The following LMX1A variants were observed in gnomAD, a reference collection of about 807,000 sequenced individuals.
LMX1A encodes LIM homeobox transcription factor 1-alpha.
A neutral mutation model predicts 49.1 loss-of-function variants in LMX1A; 15 were observed. The ratio of observed to expected loss-of-function variants is 0.31; its 90% CI spans 0.20 to 0.47. The LOEUF is 0.47. LMX1A is among the 20% of genes least tolerant of loss of function. LMX1A has a pLI of 1.00. For missense variants in LMX1A, 372 were observed against 475.8 expected, an observed-to-expected ratio of 0.78 and a Z score of 2.03; for synonymous variants, 167 against 185.7, an observed-to-expected ratio of 0.90 and a Z score of 0.82.
intron 3 of LMX1A, among the ~76,000 whole-genome samples, chr1:165,259,972 G>A (rs1420802746): frequency 6.6e-6 from 1 of 152,182 alleles, no homozygotes; most frequent in Non-Finnish European, 1.5e-5. Flanking sequence ...GCAAAAGACT[G>A]TGGTGAAAGT....
At chr1:165,222,072 T>C (rs1571157445) in intron 4 of LMX1A, among the ~76,000 whole-genome samples, 1 of 152,280 alleles carries the variant, frequency 6.6e-6, no homozygotes, top group South Asian at 2.1e-4. Flanking sequence ...CACAGGTGTA[T>C]ACTGCATGTA....
At chr1:165,353,031 C>G (rs765118100) in intron 3 of LMX1A, 45 bp downstream of exon 3, 1 of 1,597,428 alleles carries the variant, frequency 6.3e-7, no homozygotes, top group Non-Finnish European at 8.6e-7. Flanking sequence ...TCGACGCACA[C>G]TGATGCCAGT....
At chr1:165,307,866 T>C (rs1654965604) in intron 3 of LMX1A, among the ~76,000 whole-genome samples, 3 of 152,208 alleles carry the variant, frequency 2.0e-5, no homozygotes, top group Non-Finnish European at 1.5e-5. Context: ...GAAAAACAGT[T>C]CCTGAACAAC....
intron 3 of LMX1A, among the ~76,000 whole-genome samples, chr1:165,327,500 C>A (rs901654163): frequency 1.3e-5 from 2 of 152,346 alleles, no homozygotes; most frequent in South Asian, 4.1e-4. Flanking sequence ...GGACTGCTGC[C>A]AAATCCTGGA....
chr1:165,219,780 C>T (rs1195047319), intron 4 of LMX1A, among the ~76,000 whole-genome samples: 1 of 152,164 alleles, frequency 6.6e-6, no homozygotes, highest in East Asian at 1.9e-4. Flanking sequence ...TTATTATGGG[C>T]TAATGTGTGG....
chr1:165,222,606 C>T (rs767360517), intron 4 of LMX1A, among the ~76,000 whole-genome samples: 6 of 152,164 alleles, frequency 3.9e-5, no homozygotes, highest in Non-Finnish European at 8.8e-5. Flanking sequence ...TAGGAAGGTG[C>T]GGTAAGTTGA....
chr1:165,220,472 C>G (rs530015065), intron 4 of LMX1A, among the ~76,000 whole-genome samples: 127 of 152,164 alleles, frequency 8.3e-4, no homozygotes, highest in African/African-American at 2.9e-3. Context: ...CCACAGGCAG[C>G]CTTTCATGGC....
intron 4 of LMX1A, among the ~76,000 whole-genome samples, chr1:165,231,742 C>T (rs1323998013): frequency 6.6e-6 from 1 of 151,852 alleles, no homozygotes; most frequent in African/African-American, 2.4e-5. Flanking sequence ...TCCTTTCTCC[C>T]CGATGTAAAC....
At chr1:165,317,665 A>G (rs1246813939) in intron 3 of LMX1A, among the ~76,000 whole-genome samples, 1 of 152,186 alleles carries the variant, frequency 6.6e-6, no homozygotes, top group African/African-American at 2.4e-5. Flanking sequence ...AGATTTCTGC[A>G]AACTATTATC....
At chr1:165,286,545 TC>T (rs1416539022) in intron 3 of LMX1A, among the ~76,000 whole-genome samples, 1 of 152,136 alleles carries the variant, frequency 6.6e-6, no homozygotes, top group Non-Finnish European at 1.5e-5. Flanking sequence ...TGCCTCAGTT[TC>T]CCCTGATTTG....
At chr1:165,240,837 C>G (rs1056795256) in intron 4 of LMX1A, among the ~76,000 whole-genome samples, 1 of 152,166 alleles carries the variant, frequency 6.6e-6, no homozygotes, top group Non-Finnish European at 1.5e-5. Flanking sequence ...ACCCTCAAAC[C>G]AAGAGGCACA....
At chr1:165,256,909 A>C (rs1302646034) in intron 3 of LMX1A, among the ~76,000 whole-genome samples, 1 of 151,918 alleles carries the variant, frequency 6.6e-6, no homozygotes, top group East Asian at 1.9e-4. Context: ...TAGCAAGATG[A>C]CAACACACCG....
chr1:165,303,760 C>T (rs1004169897), intron 3 of LMX1A, among the ~76,000 whole-genome samples: 2 of 152,184 alleles, frequency 1.3e-5, no homozygotes, highest in Admixed American at 6.5e-5. Flanking sequence ...CCCCCAGAGT[C>T]AGCCTCCTGC....
intron 3 of LMX1A, among the ~76,000 whole-genome samples, chr1:165,315,508 G>T (rs1557881929): frequency 2.0e-5 from 3 of 152,218 alleles, no homozygotes; most frequent in Admixed American, 1.3e-4. Context: ...ATGGAAGAAG[G>T]TTAAAATAAA....
At chr1:165,214,769 A>G (rs1651578693) in intron 4 of LMX1A, among the ~76,000 whole-genome samples, 1 of 152,258 alleles carries the variant, frequency 6.6e-6, no homozygotes, top group East Asian at 1.9e-4. Flanking sequence ...ACTGATAACT[A>G]GTCAACATTG....
chr1:165,208,863 G>A (rs1651227275), intron 6 of LMX1A, among the ~76,000 whole-genome samples: 1 of 152,158 alleles, frequency 6.6e-6, no homozygotes, highest in Admixed American at 6.5e-5. Context: ...TAGCCAGGAT[G>A]GTCTCGATCT....
At chr1:165,313,013 A>G (rs1238514953) in intron 3 of LMX1A, among the ~76,000 whole-genome samples, 1 of 151,996 alleles carries the variant, frequency 6.6e-6, no homozygotes, top group Admixed American at 6.6e-5. Context: ...TATCAGAGGG[A>G]AAAAAAAGTC....
chr1:165,226,193 G>A (rs983437417), intron 4 of LMX1A, among the ~76,000 whole-genome samples: 4 of 152,200 alleles, frequency 2.6e-5, no homozygotes, highest in African/African-American at 4.8e-5. Context: ...CTCTCTATCA[G>A]TGTGATGGCT....
At chr1:165,213,388 T>C in intron 5 of LMX1A, 1 of 413,338 alleles carries the variant, frequency 2.4e-6, no homozygotes, top group East Asian at 3.8e-5. Flanking sequence ...TTGTGCTCTA[T>C]GAAATGAAAG....
Sources: allele counts gnomAD v4.1 joint callset (sites outside exome capture counted in the v4.1 genomes callset), GRCh38; gene constraint gnomAD v4.1.1; transcripts MANE v1.5; gene names NCBI Gene and HGNC (gene_info 2026-07-23, HGNC 2026-07-21).